MACROD2: variants seen among roughly 807,000 people sequenced by gnomAD.
MACROD2 encodes the protein mono-ADP ribosylhydrolase 2.
A neutral mutation model predicts 70.4 loss-of-function variants in MACROD2; 36 were observed. The ratio of observed to expected loss-of-function variants is 0.51; its 90% CI spans 0.39 to 0.68. MACROD2 has a LOEUF of 0.68. MACROD2 is among the 30% of genes least tolerant of loss of function. MACROD2 has a pLI of 0.00. For synonymous variants in MACROD2, 172 were observed against 178.8 expected (o/e 0.96, Z 0.30); for missense variants, 496 against 538.4 (o/e 0.92, Z 0.78).
In MACROD2 at chr20:14,417,186, G is replaced by A. The variant is rs114420354; in HGVS notation, c.272-76293G>A. On this transcript the variant is annotated intron_variant, in intron 3 of 17. Coordinates refer to ENST00000684519, the MANE Select transcript of MACROD2 (RefSeq NM_001351661.2). ...TTTTATCTTCTTATTCTTCCTCTGA[G>A]TTCCCTGTTTTAGTTAAAAGTTTGC... Among the ~76,000 whole-genome samples the A allele has an allele frequency of 7.1e-3, 1,083 of 151,732 alleles. 15 individuals carry two copies. Among genetic ancestry groups the A allele is most frequent in the African/African-American group, 0.025 (1,031 of 41,288 alleles).
At chr20:14,376,887 C>T (rs1309572843) in intron 3 of MACROD2, among the ~76,000 whole-genome samples, 2 of 151,806 alleles carry the variant, frequency 1.3e-5, no homozygotes, top group African/African-American at 2.4e-5. Flanking sequence ...GTTACCTAAC[C>T]TCCCTGAATC....
chr20:15,136,805 C>T (rs1438125757), intron 5 of MACROD2, among the ~76,000 whole-genome samples: 1 of 151,964 alleles, frequency 6.6e-6, no homozygotes, highest in African/African-American at 2.4e-5. Context: ...ATTTTCGCAA[C>T]CTACTCATCT....
At chr20:15,512,126 G>T (rs2047508150) in intron 8 of MACROD2, among the ~76,000 whole-genome samples, 1 of 152,218 alleles carries the variant, frequency 6.6e-6, no homozygotes, top group Non-Finnish European at 1.5e-5. Flanking sequence ...AAGGGGTTAG[G>T]AGTCTAGGGT....
chr20:15,461,378 T>C (rs1383516667), intron 7 of MACROD2, among the ~76,000 whole-genome samples: 1 of 152,166 alleles, frequency 6.6e-6, no homozygotes, highest in African/African-American at 2.4e-5. Flanking sequence ...ACTATGTTTA[T>C]CTTAGTCTTA....
At chr20:14,068,074 G>T (rs1213119825) in intron 2 of MACROD2, among the ~76,000 whole-genome samples, 1 of 152,200 alleles carries the variant, frequency 6.6e-6, no homozygotes, top group Non-Finnish European at 1.5e-5. Context: ...TGGCTCCATT[G>T]TTCGTTCTTA....
chr20:15,687,699 A>G (rs1422079311), intron 8 of MACROD2, among the ~76,000 whole-genome samples: 1 of 152,176 alleles, frequency 6.6e-6, no homozygotes, highest in Non-Finnish European at 1.5e-5. Flanking sequence ...GTTTCAGGCT[A>G]CAAATTTCTG....
chr20:14,037,079 A>G (rs1353150594), intron 2 of MACROD2, among the ~76,000 whole-genome samples: 2 of 152,228 alleles, frequency 1.3e-5, no homozygotes, highest in Non-Finnish European at 2.9e-5. Context: ...GATGTGGCAT[A>G]ACATGGTTTT....
chr20:14,498,273 C>T (rs1272751830), intron 4 of MACROD2, among the ~76,000 whole-genome samples: 2 of 148,498 alleles, frequency 1.3e-5, no homozygotes, highest in African/African-American at 5.3e-5. Context: ...AACACTTGTA[C>T]ACCAAAAGCT....
intron 5 of MACROD2, among the ~76,000 whole-genome samples, chr20:15,021,154 ACC>A (rs1345743229): frequency 4.8e-5 from 6 of 125,574 alleles, no homozygotes; most frequent in Admixed American, 1.5e-4. Flanking sequence ...GTATACACAC[ACC>A]TGTGTGTATG....
intron 7 of MACROD2, among the ~76,000 whole-genome samples, chr20:15,479,525 G>A (rs952726347): frequency 1.4e-4 from 22 of 151,920 alleles, no homozygotes; most frequent in African/African-American, 4.3e-4. Flanking sequence ...CGCCCGCCTC[G>A]GCCTCCCAAA....
intron 4 of MACROD2, among the ~76,000 whole-genome samples, chr20:14,502,648 T>C (rs767573212): frequency 3.7e-4 from 57 of 152,320 alleles, no homozygotes; most frequent in South Asian, 8.3e-4. Flanking sequence ...ATTAATATTA[T>C]AGTGCAAATC....
At chr20:14,152,428 ATTTT>A (rs5840595) in intron 3 of MACROD2, among the ~76,000 whole-genome samples, 5 of 127,406 alleles carry the variant, frequency 3.9e-5, no homozygotes, top group African/African-American at 5.7e-5. Context: ...TCTCCTCTAC[ATTTT>A]TTTTTTTTTT....
intron 8 of MACROD2, among the ~76,000 whole-genome samples, chr20:15,847,806 G>A (rs945874352): frequency 2.6e-5 from 4 of 152,058 alleles, no homozygotes; most frequent in African/African-American, 7.2e-5. Context: ...TTTCTATGCC[G>A]TAGTCTTCTC....
rs138416404 is a variant in MACROD2 at position 15,748,574 on chromosome 20, T to G, written c.646-114171T>G. Among the ~76,000 whole-genome samples, 246 of 152,204 alleles carry G rather than the reference T, an allele frequency of 1.6e-3. 1 individual carries two copies. Among genetic ancestry groups the G allele is most frequent in the African/African-American group, 5.7e-3 (238 of 41,544 alleles). On this transcript the variant is annotated intron_variant, in intron 8 of 17. Coordinates refer to ENST00000684519, the MANE Select transcript of MACROD2 (RefSeq NM_001351661.2). The stretch of plus-strand genomic sequence containing the variant: ...TTTCTTATAAGACTCCCACCTTGGG[T>G]AGGCCATGGACATTGACTTCTGTTC...
intron 4 of MACROD2, among the ~76,000 whole-genome samples, chr20:14,639,154 G>A (rs1350620965): frequency 2.0e-5 from 3 of 152,130 alleles, no homozygotes; most frequent in Non-Finnish European, 2.9e-5. Flanking sequence ...GTGCCCTGGG[G>A]TTCCTGACTG....
chr20:15,506,634 C>T (rs1286316689), intron 8 of MACROD2, among the ~76,000 whole-genome samples: 1 of 152,172 alleles, frequency 6.6e-6, no homozygotes, highest in Non-Finnish European at 1.5e-5. Flanking sequence ...CATGAAACGC[C>T]TTAGGATCTT....
chr20:15,494,195 T>G (rs886738551), intron 7 of MACROD2, among the ~76,000 whole-genome samples: 6 of 152,138 alleles, frequency 3.9e-5, no homozygotes, highest in Admixed American at 1.3e-4. Flanking sequence ...TCAGCAGAGA[T>G]TATTAAAACA....
At chr20:15,064,817 A>T (rs1317900577) in intron 5 of MACROD2, among the ~76,000 whole-genome samples, 1 of 152,148 alleles carries the variant, frequency 6.6e-6, no homozygotes, top group African/African-American at 2.4e-5. Flanking sequence ...GTATGCACTT[A>T]TGTCCAAGTT....
intron 6 of MACROD2, among the ~76,000 whole-genome samples, chr20:15,422,022 G>A (rs997487607): frequency 2.6e-5 from 4 of 152,222 alleles, no homozygotes; most frequent in African/African-American, 7.2e-5. Context: ...TGACAACAAG[G>A]TCAGTGGCCC....
Sources: gnomAD v4.1 joint callset for allele counts (sites outside exome capture counted in the v4.1 genomes callset) on GRCh38, gnomAD v4.1.1 for gene constraint, MANE v1.5 for transcripts, NCBI Gene and HGNC (gene_info 2026-07-23, HGNC 2026-07-21) for gene names.